The following MAP2K5 variants were observed in gnomAD, a reference collection of about 807,000 sequenced individuals.
The protein encoded by MAP2K5 is dual specificity mitogen-activated protein kinase kinase 5.
Under a neutral mutation model 83.1 loss-of-function variants are expected in MAP2K5, and 49 were observed. That is an observed-to-expected ratio of 0.59 (90% CI 0.47 to 0.75). The LOEUF is 0.75. Ranked by LOEUF, MAP2K5 falls within the 30% of genes least tolerant of loss-of-function variation. The pLI is 0.00. For synonymous variants in MAP2K5, 202 were observed against 191.8 expected (o/e 1.05, Z -0.44); for missense variants, 457 against 557.5 (o/e 0.82, Z 1.82).
intron 12 of MAP2K5, among the ~76,000 whole-genome samples, chr15:67,661,377 T>C (rs2087235072): frequency 1.3e-5 from 2 of 152,150 alleles, no homozygotes; most frequent in African/African-American, 2.4e-5. Context: ...AAGTTGTCCC[T>C]GAAAGGAGGT....
chr15:67,651,784 A>G lies in MAP2K5; in HGVS notation c.736+5315A>G, dbSNP rs370611701. 2.6e-4 allele frequency among the ~76,000 whole-genome samples: 39 copies of G among 152,246 alleles called. 1 individual carries two copies. Among genetic ancestry groups the G allele is most frequent in the Admixed American group, 2.0e-3 (31 of 15,292 alleles). On this transcript the variant is annotated intron_variant, in intron 11 of 21. Coordinates refer to ENST00000178640, the MANE Select transcript of MAP2K5 (RefSeq NM_145160.3). ...TTCGATGGACACTCAGATTGATTTC[A>G]TATCTTGGCTATTGTGAATAGTGCT...
intron 8 of MAP2K5, among the ~76,000 whole-genome samples, chr15:67,624,066 G>A (rs1171613017): frequency 6.6e-5 from 10 of 150,888 alleles, no homozygotes; most frequent in African/African-American, 2.4e-4. Context: ...TAGGCCGGGC[G>A]CAGTGGCTCA....
chr15:67,613,540 T>G (rs1304003113), intron 8 of MAP2K5, among the ~76,000 whole-genome samples: 1 of 152,194 alleles, frequency 6.6e-6, no homozygotes, highest in Non-Finnish European at 1.5e-5. Flanking sequence ...CATGATGATA[T>G]CCTCTGCATC....
chr15:67,669,614 T>C (rs904537410), intron 13 of MAP2K5, among the ~76,000 whole-genome samples: 1 of 152,084 alleles, frequency 6.6e-6, no homozygotes, highest in Non-Finnish European at 1.5e-5. Context: ...ATCAGGGAGA[T>C]AGTTATAAAG....
Position 67,722,544 on chromosome 15 carries a change from G to A in MAP2K5, c.1045-5372G>A, listed in dbSNP as rs947190811. ...TAAGAGAACAGTGAAATTGATACAT[G>A]GGGAAAAAAGTAAAATCTTAGAGTA... On this transcript the variant is annotated intron_variant, in intron 16 of 21. Coordinates refer to ENST00000178640, the MANE Select transcript of MAP2K5 (RefSeq NM_145160.3). The surrounding 1 kb of genome is among the most constrained non-coding windows in gnomAD (Gnocchi z 4.2). 1.3e-5 allele frequency among the ~76,000 whole-genome samples: 2 copies of A among 151,984 alleles called. No homozygotes were observed. The highest frequency in any genetic ancestry group is 2.9e-5 in the Non-Finnish European group (2 of 67,976).
chr15:67,657,993 A>G (rs757251316), intron 11 of MAP2K5, among the ~76,000 whole-genome samples: 1 of 152,080 alleles, frequency 6.6e-6, no homozygotes, highest in African/African-American at 2.4e-5. Context: ...ATATTTGTCA[A>G]ATACTCTGGA....
intron 16 of MAP2K5, among the ~76,000 whole-genome samples, chr15:67,721,359 T>C (rs1191878776): frequency 1.3e-5 from 2 of 152,218 alleles, no homozygotes; most frequent in Admixed American, 6.5e-5. Flanking sequence ...CAAGTAGTTG[T>C]TGTTTTTTGT....
intron 14 of MAP2K5, among the ~76,000 whole-genome samples, 192 bp downstream of exon 14, chr15:67,692,744 T>A (rs886317420): frequency 1.3e-5 from 2 of 152,222 alleles, no homozygotes; most frequent in Admixed American, 6.5e-5. Flanking sequence ...GATTGTTCAT[T>A]GTTTAATGAC....
chr15:67,562,176 G>A lies in MAP2K5; in HGVS notation c.185-1107G>A, dbSNP rs144012854. Reference sequence around the variant, plus strand: ...GGAGGCTCTGTACGTTGCTCCAGACGTTTTTGGCATTTCTTTCAACTGTGC... The same window carrying A: ...GGAGGCTCTGTACGTTGCTCCAGACATTTTTGGCATTTCTTTCAACTGTGC... On this transcript the variant is annotated intron_variant, in intron 2 of 21. Transcript: ENST00000178640. The surrounding 1 kb of genome is among the most constrained non-coding windows in gnomAD (Gnocchi z 4.1). 9.5e-4 allele frequency among the ~76,000 whole-genome samples: 145 copies of A among 152,278 alleles called. 1 individual carries two copies. Among genetic ancestry groups the A allele is most frequent in the Admixed American group, 4.1e-3 (62 of 15,294 alleles).
At position 67,637,090 on chromosome 15, in the gene MAP2K5, G is replaced by A. The variant is rs112907014; in HGVS notation, c.585+6163G>A. Reference sequence around the variant, plus strand: ...CTTGGACCTACACCAGTGATTTGCCGGGGGCTTTCAGGCCTTCAGCTACAG... The same window carrying A: ...CTTGGACCTACACCAGTGATTTGCCAGGGGCTTTCAGGCCTTCAGCTACAG... On this transcript the variant is annotated intron_variant, in intron 9 of 21. Transcript: ENST00000178640. This position sits in a 1 kb window ranked among gnomAD's most constrained non-coding sequence, Gnocchi z 4.5. Among the ~76,000 whole-genome samples the A allele has an allele frequency of 5.5e-4, 84 of 152,204 alleles. No individual in the cohort carries two copies. Among genetic ancestry groups the A allele is most frequent in the East Asian group, 5.2e-3 (27 of 5,176 alleles).
intron 17 of MAP2K5, among the ~76,000 whole-genome samples, chr15:67,732,662 A>T (rs1020149054): frequency 4.8e-5 from 7 of 146,714 alleles, no homozygotes; most frequent in Admixed American, 2.7e-4. Flanking sequence ...TTTAAATTTC[A>T]TTTTTTTTTT....
At chr15:67,630,426 T>G (rs1469322959) in intron 8 of MAP2K5, among the ~76,000 whole-genome samples, 1 of 152,096 alleles carries the variant, frequency 6.6e-6, no homozygotes, top group East Asian at 1.9e-4. Context: ...ATAGTTTATC[T>G]GCATGTGTAA....
intron 7 of MAP2K5, among the ~76,000 whole-genome samples, chr15:67,597,146 G>C (rs2085545062): frequency 6.7e-6 from 1 of 149,832 alleles, no homozygotes; most frequent in Non-Finnish European, 1.5e-5. Flanking sequence ...TCCAGCCTGG[G>C]CCACAGTGTG....
chr15:67,711,466 C>T (rs1283345981), intron 16 of MAP2K5, among the ~76,000 whole-genome samples: 1 of 152,174 alleles, frequency 6.6e-6, no homozygotes, highest in South Asian at 2.1e-4. Flanking sequence ...GATGGGAGAT[C>T]TATTTCAGAG....
chr15:67,742,152 A>G (rs1384743972), intron 17 of MAP2K5, among the ~76,000 whole-genome samples: 2 of 152,210 alleles, frequency 1.3e-5, no homozygotes, highest in East Asian at 3.8e-4. Context: ...CAGCCTCCCA[A>G]AGTGCTGGGA....
Position 67,573,687 on chromosome 15 carries a change from G to A in MAP2K5, c.253-7067G>A, listed in dbSNP as rs1443271349. Among the ~76,000 whole-genome samples, 2 of 152,142 alleles carry A rather than the reference G, an allele frequency of 1.3e-5. No homozygotes were observed. The highest frequency in any genetic ancestry group is 2.1e-4 in the South Asian group (1 of 4,826). ...AGGATGTTTAGAGTTAAGGGAACAG[G>A]TTAATAGCATTTACCAAACAGATTC... is the stretch of plus-strand genomic sequence containing the variant. On this transcript the variant is annotated intron_variant, in intron 3 of 21. Coordinates refer to ENST00000178640, the MANE Select transcript of MAP2K5 (RefSeq NM_145160.3). The surrounding 1 kb of genome is among the most constrained non-coding windows in gnomAD (Gnocchi z 4.2).
chr15:67,738,079 C>T lies in MAP2K5; in HGVS notation c.1074+10134C>T, dbSNP rs4776966. On this transcript the variant is annotated intron_variant, in intron 17 of 21. Coordinates refer to ENST00000178640, the MANE Select transcript of MAP2K5 (RefSeq NM_145160.3). The surrounding 1 kb of genome is among the most constrained non-coding windows in gnomAD (Gnocchi z 4.1). Reference sequence around the variant, plus strand: ...GTTGGCCAGGCTGGTCTCGAACTCCCGACCTCAGGTGACCTGCCTGCCTCA... The same window carrying T: ...GTTGGCCAGGCTGGTCTCGAACTCCTGACCTCAGGTGACCTGCCTGCCTCA... 0.98 allele frequency among the ~76,000 whole-genome samples: 149,029 copies of T among 152,140 alleles called. 73,070 individuals carry two copies. The highest frequency in any genetic ancestry group is 1 in the East Asian group (5,160 of 5,160).
intron 8 of MAP2K5, among the ~76,000 whole-genome samples, chr15:67,624,457 C>T (rs2086264759): frequency 6.6e-6 from 1 of 151,766 alleles, no homozygotes; most frequent in South Asian, 2.1e-4. Context: ...TTGCAGAATG[C>T]TTCCTTGCCT....
chr15:67,637,241 C>G lies in MAP2K5; in HGVS notation c.585+6314C>G, dbSNP rs1404738661. ...CTTGTCATCCTGTGAGTCAATACTC[C>G]TTAATAAATTCCCCTTCATATATAC... On this transcript the variant is annotated intron_variant, in intron 9 of 21. Coordinates refer to ENST00000178640, the MANE Select transcript of MAP2K5 (RefSeq NM_145160.3). This position sits in a 1 kb window ranked among gnomAD's most constrained non-coding sequence, Gnocchi z 4.5. Among the ~76,000 whole-genome samples the G allele has an allele frequency of 6.6e-6, 1 of 152,162 alleles. No individual in the cohort carries two copies. Among genetic ancestry groups the G allele is most frequent in the African/African-American group, 2.4e-5 (1 of 41,436 alleles).
Sources: gnomAD v4.1 joint callset for allele counts (sites outside exome capture counted in the v4.1 genomes callset) on GRCh38, gnomAD v4.1.1 for gene constraint, Gnocchi (gnomAD v3.1) non-coding constraint, MANE v1.5 for transcripts, NCBI Gene and HGNC (gene_info 2026-07-23, HGNC 2026-07-21) for gene names.